The following TGFBR1 variants were observed in gnomAD, a reference collection of about 807,000 sequenced individuals.
The protein encoded by TGFBR1 is TGF-beta receptor type-1.
A neutral mutation model predicts 55.1 loss-of-function variants in TGFBR1; 20 were observed. The observed-to-expected ratio is 0.36, with a 90% confidence interval of 0.26 to 0.53. The LOEUF (loss-of-function observed/expected upper bound fraction) is 0.53, where lower values mean the gene tolerates loss of function less well. Among genes scored for constraint, TGFBR1 ranks in the 20% least tolerant of loss-of-function variants. The pLI, the probability that TGFBR1 is intolerant of heterozygous loss-of-function variation, is 0.91. For synonymous variants in TGFBR1, 220 were observed against 214.8 expected, an observed-to-expected ratio of 1.02 and a Z score of -0.21; for missense variants, 385 against 617.6, an observed-to-expected ratio of 0.62 and a Z score of 3.99.
At chr9:99,146,912 C>T (rs529825361) in intron 7 of TGFBR1, among the ~76,000 whole-genome samples, 1 of 152,226 alleles carries the variant, frequency 6.6e-6, no homozygotes, top group East Asian at 1.9e-4. Context: ...TTGAGAGGCT[C>T]ACCTAGGAAG....
rs182980825 is a variant in TGFBR1 at position 99,111,877 on chromosome 9, T to C, written c.97+6575T>C. Among the ~76,000 whole-genome samples, 229 of 152,266 alleles carry C rather than the reference T, an allele frequency of 1.5e-3. 1 individual carries two copies. Among genetic ancestry groups the C allele is most frequent in the African/African-American group, 4.3e-3 (179 of 41,536 alleles). ...TGAAAAAATTGATGCTGAGGAAATATGACTACAGACTCAGTACTAGCAACC... is the reference window on the plus strand; with the variant it reads ...TGAAAAAATTGATGCTGAGGAAATACGACTACAGACTCAGTACTAGCAACC... On this transcript the variant is annotated intron_variant, in intron 1 of 8. Coordinates refer to ENST00000374994, the MANE Select transcript of TGFBR1 (RefSeq NM_004612.4).
chr9:99,121,043 T>C (rs928858389), intron 1 of TGFBR1, among the ~76,000 whole-genome samples: 11 of 152,238 alleles, frequency 7.2e-5, no homozygotes, highest in Non-Finnish European at 1.3e-4. Context: ...CTTGTGAATT[T>C]GGGAGTGCCC....
At position 99,132,629 on chromosome 9, in the gene TGFBR1, A is replaced by G. The variant is rs1485371810; in HGVS notation, c.464A>G (p.His155Arg). 1 of 1,614,148 alleles carries G rather than the reference A, an allele frequency of 6.2e-7. No homozygotes were observed. Among genetic ancestry groups the G allele is most frequent in the Non-Finnish European group, 8.5e-7 (1 of 1,180,010 alleles). ...VYICHNRTVI[H>R]HRVPNEEDPS... The stretch of plus-strand genomic sequence containing the variant: ...ATCTGCCACAACCGCACTGTCATTC[A>G]CCATCGAGTGCCAAATGAAGAGGAC... The change falls in exon 3 of 9, where the codon CAC becomes CGC. Residue 155 changes from histidine to arginine, a missense_variant. Around this residue, in one of 5 missense-constraint regions of TGFBR1, gnomAD observed 146 missense variants for 167.7 expected, o/e 0.87. Coordinates refer to ENST00000374994, the MANE Select transcript of TGFBR1 (RefSeq NM_004612.4).
At chr9:99,129,188 T>G (rs1420115180) in intron 2 of TGFBR1, 88 bp downstream of exon 2, 1 of 1,466,210 alleles carries the variant, frequency 6.8e-7, no homozygotes, top group Non-Finnish European at 9.4e-7. Context: ...TCATAAAAAT[T>G]GTCTAATCCA....
rs752002353 is a variant in TGFBR1 at position 99,147,638 on chromosome 9, T to G, written c.1256-16T>G. ...AATAAATTCATCAAAATTTAATTTT[T>G]TTTAAACTGATACAGGAATTCATGA... On this transcript the variant is annotated splice_polypyrimidine_tract_variant and intron_variant, in intron 7 of 8. Transcript: ENST00000374994. 1.2e-6 allele frequency: 2 copies of G among 1,611,486 alleles called. No individual in the cohort carries two copies. Among genetic ancestry groups the G allele is most frequent in the East Asian group, 4.5e-5 (2 of 44,786 alleles).
chr9:99,132,472 G>A (rs373108672), intron 2 of TGFBR1, 37 bp from the exon 3 acceptor site: 29 of 1,611,646 alleles, frequency 1.8e-5, no homozygotes, highest in Middle Eastern at 1.7e-4. Context: ...TGTTTTTGTC[G>A]TTGTTGATGT....
chr9:99,128,589 T>G (rs762280776), intron 1 of TGFBR1: 48 of 549,764 alleles, frequency 8.7e-5, no homozygotes, highest in Non-Finnish European at 1.6e-4. Flanking sequence ...TAACAAAATT[T>G]TTCTATACTT....
Position 99,132,702 on chromosome 9 carries a change from C to T in TGFBR1, c.537C>T (p.Asp179=), listed in dbSNP as rs1827280246. The T allele has an allele frequency of 6.2e-7, 1 of 1,614,182 alleles. No homozygotes were observed. The highest frequency in any genetic ancestry group is 8.5e-7 in the Non-Finnish European group (1 of 1,180,024). Residue 179 remains aspartate, a synonymous_variant, in exon 3 of 9, where the codon GAC becomes GAT. Coordinates refer to ENST00000374994, the MANE Select transcript of TGFBR1 (RefSeq NM_004612.4). ...TTTCAGAGGGTACTACGTTGAAAGA[C>T]TTAATTTATGATATGACAACGTCAG... The part of the protein sequence containing the change: ...PFISEGTTLK[D]LIYDMTTSGS...
At position 99,153,634 on chromosome 9, in the gene TGFBR1, A is replaced by G. The variant is rs199756594; in HGVS notation, c.*4329A>G. 6.1e-5 allele frequency: 12 copies of G among 196,320 alleles called. No homozygotes were observed. The highest frequency in any genetic ancestry group is 1.4e-4 in the African/African-American group (6 of 43,348). The allele number at this position is 196,320 out of a possible 1,614,324, so 12.2% of individuals were successfully genotyped here. A position where few individuals can be genotyped will look rare whatever the true frequency, so the allele number is the denominator to read the frequency against. Reference sequence around the variant, plus strand: ...AGAAGAATGGAAGCAGTGCAAATAAATTACATTTTTCCCAAGTGCCAGTGG... The same window carrying G: ...AGAAGAATGGAAGCAGTGCAAATAAGTTACATTTTTCCCAAGTGCCAGTGG... On this transcript the variant is annotated 3_prime_UTR_variant, in exon 9 of 9. Transcript: ENST00000374994.
At chr9:99,146,657 T>C in intron 7 of TGFBR1, 48 bp downstream of exon 7, 4 of 1,612,706 alleles carry the variant, frequency 2.5e-6, no homozygotes, top group African/African-American at 1.3e-5. Context: ...GCAGAAGTTG[T>C]TCAAGAATTG....
At chr9:99,145,405 C>G (rs1827759746) in intron 6 of TGFBR1, among the ~76,000 whole-genome samples, 1 of 152,156 alleles carries the variant, frequency 6.6e-6, no homozygotes, top group Non-Finnish European at 1.5e-5. Flanking sequence ...GAGTCCCTGC[C>G]AGGGACTGTC....
intron 1 of TGFBR1, chr9:99,127,734 T>G (rs1827080734): frequency 5.6e-6 from 2 of 357,762 alleles, no homozygotes; most frequent in Non-Finnish European, 1.1e-5. Flanking sequence ...AGATGGCCAT[T>G]CCGTGTACCT....
At chr9:99,119,330 C>T (rs140168315) in intron 1 of TGFBR1, among the ~76,000 whole-genome samples, 2 of 152,154 alleles carry the variant, frequency 1.3e-5, no homozygotes, top group Non-Finnish European at 2.9e-5. Flanking sequence ...CCAGGATGAT[C>T]AGCCACTTTC....
chr9:99,119,398 C>T (rs1430274039), intron 1 of TGFBR1, among the ~76,000 whole-genome samples: 1 of 152,202 alleles, frequency 6.6e-6, no homozygotes, highest in African/African-American at 2.4e-5. Context: ...TCTCCTACAG[C>T]CACTCGTGCT....
intron 4 of TGFBR1, among the ~76,000 whole-genome samples, chr9:99,138,803 C>CTT (rs751810545): frequency 6.9e-6 from 1 of 145,684 alleles, no homozygotes; most frequent in Non-Finnish European, 1.5e-5. Context: ...ATGATTCCTA[C>CTT]TTTTTTTTTT....
intron 1 of TGFBR1, among the ~76,000 whole-genome samples, chr9:99,120,811 G>A (rs1826876085): frequency 6.6e-6 from 1 of 152,122 alleles, no homozygotes; most frequent in Non-Finnish European, 1.5e-5. Flanking sequence ...AAAATGTGTT[G>A]TTAAACTCCT....
At position 99,144,895 on chromosome 9, in the gene TGFBR1, T is replaced by G. The variant is rs2118807692; in HGVS notation, c.1130+7T>G. On this transcript the variant is annotated splice_region_variant and intron_variant, in intron 6 of 8. Transcript: ENST00000374994. ...ACAGAGTGGGAACAAAAAGGTATAC[T>G]TTTGAACAACTATATTTAATATCTT... 1 of 1,613,502 alleles carries G rather than the reference T, an allele frequency of 6.2e-7. No individual in the cohort carries two copies. The highest frequency in any genetic ancestry group is 1.1e-5 in the South Asian group (1 of 91,080).
chr9:99,136,499 A>G lies in TGFBR1; in HGVS notation c.575-1360A>G, dbSNP rs367918255. Among the ~76,000 whole-genome samples the G allele has an allele frequency of 3.3e-5, 5 of 152,368 alleles. No homozygotes were observed. In the East Asian group the frequency reaches 7.7e-4, roughly 23 times the overall value. On this transcript the variant is annotated intron_variant, in intron 3 of 8. Transcript: ENST00000374994. ...CTTTCATAAAATGTAATAAATTAGT[A>G]TCTACACTAAACAACATAATTAGAA... is the stretch of plus-strand genomic sequence containing the variant.
intron 2 of TGFBR1, 146 bp from the exon 3 acceptor site, chr9:99,132,363 C>A: frequency 7.3e-7 from 1 of 1,366,084 alleles, no homozygotes; most frequent in Non-Finnish European, 1.0e-6. Flanking sequence ...TGGGTTTGAG[C>A]CCTGTAAACT....
Sources: gnomAD v4.1 joint callset for allele counts (sites outside exome capture counted in the v4.1 genomes callset) on GRCh38, gnomAD v4.1.1 for gene constraint, gnomAD v4.1.1 regional missense constraint, MANE v1.5 for transcripts, NCBI Gene and HGNC (gene_info 2026-07-23, HGNC 2026-07-21) for gene names.